Variants in SETD2 observed in about 807,000 individuals in gnomAD.
SETD2 encodes the protein SET domain containing 2, histone lysine methyltransferase.
A neutral mutation model predicts 242.1 loss-of-function variants in SETD2; 31 were observed. The ratio of observed to expected loss-of-function variants is 0.13; its 90% CI spans 0.10 to 0.17. SETD2 has a LOEUF of 0.17. Ranked by LOEUF, SETD2 falls within the 10% of genes least tolerant of loss-of-function variation. The probability of loss-of-function intolerance (pLI) is 1.00; values close to 1 mark genes in which losing one functional copy is unlikely to be tolerated. For synonymous variants in SETD2, 1,006 were observed against 1,066.5 expected, an observed-to-expected ratio of 0.94 and a Z score of 1.11; for missense variants, 2,481 against 3,046.3, an observed-to-expected ratio of 0.81 and a Z score of 4.37.
chr3:47,046,671 TAAAC>T (rs747970456), intron 15 of SETD2, 50 bp from the exon 16 acceptor site: 7 of 1,524,978 alleles, frequency 4.6e-6, no homozygotes, highest in South Asian at 3.7e-5. Context: ...GTCACTTTAA[TAAAC>T]AGACTGACTT....
Position 47,050,897 on chromosome 3 carries a change from A to AT in SETD2, c.6964-4277dup, listed in dbSNP as rs552008710. 2.1e-3 allele frequency among the ~76,000 whole-genome samples: 320 copies of AT among 151,178 alleles called. 1 individual carries two copies. Among genetic ancestry groups the AT allele is most frequent in the Non-Finnish European group, 3.6e-3 (242 of 67,726 alleles). On this transcript the variant is annotated intron_variant, in intron 15 of 20. Transcript: ENST00000409792. Reference sequence around the variant, plus strand: ...AGGCGTGCGCCACCAAGCCCAGCTAATTTTTTTGTATTTTTAGTAGAAACA... The same window carrying AT: ...AGGCGTGCGCCACCAAGCCCAGCTAATTTTTTTTGTATTTTTAGTAGAAACA...
chr3:47,086,868 C>T (rs74996569), intron 10 of SETD2, among the ~76,000 whole-genome samples: 58 of 151,498 alleles, frequency 3.8e-4, no homozygotes, highest in African/African-American at 1.3e-3. Flanking sequence ...ACCCTTATCT[C>T]TACAAAAATA....
intron 5 of SETD2, among the ~76,000 whole-genome samples, chr3:47,108,073 G>A (rs2042508323): frequency 6.6e-6 from 1 of 151,954 alleles, no homozygotes; most frequent in Non-Finnish European, 1.5e-5. Flanking sequence ...AAGCCTGGGA[G>A]TTTCCGACCA....
chr3:47,098,166 G>T, intron 8 of SETD2, 85 bp from the exon 9 acceptor site: 1 of 1,393,604 alleles, frequency 7.2e-7, no homozygotes, highest in Non-Finnish European at 9.7e-7. Context: ...AGTCATACCA[G>T]TCTAAACAAA....
intron 11 of SETD2, among the ~76,000 whole-genome samples, chr3:47,085,368 AATG>A (rs1262529761): frequency 6.6e-6 from 1 of 152,240 alleles, no homozygotes; most frequent in African/African-American, 2.4e-5. Context: ...AACATATTTA[AATG>A]ATGTCTGTCA....
chr3:47,038,381 A>G (rs2107530403), intron 17 of SETD2, among the ~76,000 whole-genome samples: 1 of 152,312 alleles, frequency 6.6e-6, no homozygotes, highest in Admixed American at 6.5e-5. Context: ...TGGGAGGCTG[A>G]GGCAGGTGGA....
At chr3:47,112,239 C>T (rs2042683821) in intron 5 of SETD2, among the ~76,000 whole-genome samples, 2 of 151,504 alleles carry the variant, frequency 1.3e-5, no homozygotes, top group Admixed American at 6.6e-5. Flanking sequence ...CTCAGCCTCC[C>T]GAGTAGCTGG....
chr3:47,137,546 T>A (rs1251542883), intron 1 of SETD2, among the ~76,000 whole-genome samples: 1 of 152,178 alleles, frequency 6.6e-6, no homozygotes, highest in East Asian at 1.9e-4. Context: ...TATAAATATT[T>A]TATGTAATGC....
rs766455577 is a variant in SETD2, at chr3:47,106,493, T to TAAAAAAAA, written c.4716-381_4716-374dup. Among the ~76,000 whole-genome samples, 81 of 57,258 alleles carry TAAAAAAAA rather than the reference T, an allele frequency of 1.4e-3. 9 individuals are homozygous for TAAAAAAAA. The highest frequency in any genetic ancestry group is 3.4e-3 in the African/African-American group (51 of 14,918). 37.6% of individuals were successfully genotyped at this position (57,258 alleles called of 152,430 possible). On this transcript the variant is annotated intron_variant, in intron 5 of 20. Coordinates refer to ENST00000409792, the MANE Select transcript of SETD2 (RefSeq NM_014159.7). ...CTGAAAAGTTAGAGGATTTTTGCTC[T>TAAAAAAAA]AAAAAAAAAAAAAAAAAAAAAAAAA...
intron 14 of SETD2, among the ~76,000 whole-genome samples, chr3:47,061,579 C>T (rs2040332405): frequency 6.6e-6 from 1 of 152,078 alleles, no homozygotes; most frequent in African/African-American, 2.4e-5. Context: ...AAATAAAAAT[C>T]ACATTACATA....
chr3:47,086,368 T>TA lies in SETD2; in HGVS notation c.5278-55dup, dbSNP rs2041558320. The TA allele has an allele frequency of 6.6e-5, 104 of 1,584,468 alleles. 2 individuals carry two copies. The South Asian group carries it at 1.1e-3, about 16-fold the overall frequency. On this transcript the variant is annotated intron_variant, in intron 10 of 20. Coordinates refer to ENST00000409792, the MANE Select transcript of SETD2 (RefSeq NM_014159.7). ...AGAGCATTGGGAGGCAATATCAGAATATTACAAAGAGCCCGAGGAGAGTTC... is the reference window on the plus strand; with the variant it reads ...AGAGCATTGGGAGGCAATATCAGAATAATTACAAAGAGCCCGAGGAGAGTTC...
intron 7 of SETD2, among the ~76,000 whole-genome samples, chr3:47,102,091 A>G (rs1274651428): frequency 6.6e-6 from 1 of 152,240 alleles, no homozygotes; most frequent in Non-Finnish European, 1.5e-5. Flanking sequence ...CAGATGCATA[A>G]GACTCAAGAA....
At chr3:47,094,540 G>T (rs1284226016) in intron 9 of SETD2, among the ~76,000 whole-genome samples, 1 of 152,190 alleles carries the variant, frequency 6.6e-6, no homozygotes, top group East Asian at 1.9e-4. Context: ...GCTCAACCTT[G>T]TGAGTTCAAA....
chr3:47,140,301 A>C (rs921118479), intron 1 of SETD2, among the ~76,000 whole-genome samples: 4 of 152,224 alleles, frequency 2.6e-5, no homozygotes, highest in African/African-American at 9.6e-5. Flanking sequence ...CACCTGTTAA[A>C]GCCATCTGCT....
chr3:47,106,763 G>T (rs1358146778), intron 5 of SETD2, among the ~76,000 whole-genome samples: 3 of 145,664 alleles, frequency 2.1e-5, no homozygotes, highest in Non-Finnish European at 4.5e-5. Flanking sequence ...AGTGAGCCGA[G>T]ATCGCGCCAC....
intron 15 of SETD2, among the ~76,000 whole-genome samples, chr3:47,053,506 G>A (rs1049223570): frequency 3.3e-5 from 5 of 152,130 alleles, no homozygotes; most frequent in Admixed American, 6.5e-5. Context: ...TACAAATTAC[G>A]TGACCTCTGT....
chr3:47,123,036 G>C lies in SETD2; in HGVS notation c.1600C>G (p.Pro534Ala), dbSNP rs1241396966. ...NEAIKRCCSP[P>A]NELGFRRGSS... ...CCTCGTCGGAATCCCAGTTCATTAG[G>C]GGGAGAACAACATCTTTTAATTGCT... The change falls in exon 3 of 21, where the codon CCT becomes GCT. Residue 534 changes from proline (P) to alanine (A), a missense_variant. Physicochemically the swap from Pro to Ala is conservative, Grantham distance 27. This residue lies in a region of SETD2 where 1,300 missense variants were observed against 1,259.2 expected (regional missense o/e 1.03). Coordinates refer to ENST00000409792, the MANE Select transcript of SETD2 (RefSeq NM_014159.7). The C allele has an allele frequency of 1.2e-6, 2 of 1,614,040 alleles. No individual in the cohort carries two copies. The highest frequency in any genetic ancestry group is 1.7e-5 in the Admixed American group (1 of 59,994).
chr3:47,098,289 C>A, intron 8 of SETD2: 1 of 372,688 alleles, frequency 2.7e-6, no homozygotes, highest in South Asian at 5.3e-5. Flanking sequence ...AATCATCTTT[C>A]TTTGGGAGAC....
At position 47,124,122 on chromosome 3, in the gene SETD2, G is replaced by A. The variant is rs2043229417; in HGVS notation, c.514C>T (p.Pro172Ser). 4.5e-6 allele frequency: 7 copies of A among 1,552,008 alleles called. No individual in the cohort carries two copies. The East Asian group carries it at 1.5e-4, about 33-fold the overall frequency. Residue 172 changes from proline (P) to serine (S), a missense_variant, in exon 3 of 21, where the codon CCA (proline) becomes TCA (serine). Transcript: ENST00000409792. Reference protein sequence around the residue: ...AVASPPTHAAPLPAVIAESTT... With the variant: ...AVASPPTHAASLPAVIAESTT... ...GATTCTGCTATCACTGCTGGTAATG[G>A]TGCTGCATGAGTAGGTGGAGATGCT...
Sources: gnomAD v4.1 joint callset for allele counts (sites outside exome capture counted in the v4.1 genomes callset) on GRCh38, gnomAD v4.1.1 for gene constraint, gnomAD v4.1.1 regional missense constraint, MANE v1.5 for transcripts, NCBI Gene and HGNC (gene_info 2026-07-23, HGNC 2026-07-21) for gene names.